Variants in SRD5A2 observed in about 807,000 individuals in gnomAD.
The protein encoded by SRD5A2 is steroid 5 alpha-reductase 2, also known as 3-oxo-5-alpha-steroid 4-dehydrogenase 2.
In SRD5A2, 30 loss-of-function variants were observed where a neutral mutation model predicts 27.4. That is an observed-to-expected ratio of 1.10 (90% CI 0.82 to 1.49). The LOEUF (loss-of-function observed/expected upper bound fraction) is 1.49. SRD5A2 is among the 40% of genes most tolerant of loss of function. SRD5A2 has a pLI of 0.00. For missense variants in SRD5A2, 348 were observed against 323.4 expected (o/e 1.08, Z -0.58); for synonymous variants, 141 against 133.6 (o/e 1.06, Z -0.38).
the SRD5A2 span, among the ~76,000 whole-genome samples, chr2:31,654,602 C>A: frequency 6.6e-6 from 1 of 152,058 alleles, no homozygotes; most frequent in Non-Finnish European, 1.5e-5. Flanking sequence ...ATCTGGCAAT[C>A]TTGGATTCTA....
the SRD5A2 span, among the ~76,000 whole-genome samples, chr2:31,609,060 A>G: frequency 1.3e-5 from 2 of 152,116 alleles, no homozygotes; most frequent in South Asian, 2.1e-4. Flanking sequence ...GAAGATCGCC[A>G]TCTGCAACCC....
chr2:31,636,357 C>T, the SRD5A2 span, among the ~76,000 whole-genome samples: 1 of 151,980 alleles, frequency 6.6e-6, no homozygotes, highest in East Asian at 1.9e-4. Flanking sequence ...CATATAAATG[C>T]ACTGATTTCT....
chr2:31,531,081 T>C (rs1665896742), intron 3 of SRD5A2, among the ~76,000 whole-genome samples: 1 of 152,094 alleles, frequency 6.6e-6, no homozygotes, highest in South Asian at 2.1e-4. Flanking sequence ...GCAATGAGGG[T>C]GTAGGTAGCC....
At chr2:31,633,954 T>A in the SRD5A2 span, among the ~76,000 whole-genome samples, 42 of 149,736 alleles carry the variant, frequency 2.8e-4, no homozygotes, top group African/African-American at 6.5e-4. Context: ...ATAAAAAAAA[T>A]TTTTTTAAAT....
intron 4 of SRD5A2, chr2:31,527,640 A>G (rs1237926525): frequency 3.3e-5 from 5 of 152,302 alleles, no homozygotes; most frequent in Admixed American, 6.5e-5. Flanking sequence ...GTGCTGAGTG[A>G]TGCCTTCTCT....
At chr2:31,549,071 A>G (rs1200975127) in intron 1 of SRD5A2, among the ~76,000 whole-genome samples, 1 of 139,476 alleles carries the variant, frequency 7.2e-6, no homozygotes, top group Non-Finnish European at 1.5e-5. Flanking sequence ...CAGGGGCTGG[A>G]AGTAGAGGGA....
the SRD5A2 span, among the ~76,000 whole-genome samples, chr2:31,624,727 G>A: frequency 1.3e-5 from 2 of 152,030 alleles, no homozygotes; most frequent in Admixed American, 6.6e-5. Flanking sequence ...ATGGTGTATA[G>A]GTGTCACATT....
Position 31,526,156 on chromosome 2 carries a change from CA to C in SRD5A2, c.*39del. 1 of 1,315,892 alleles carries C rather than the reference CA, an allele frequency of 7.6e-7. No individual in the cohort carries two copies. The highest frequency in any genetic ancestry group is 1.1e-6 in the Non-Finnish European group (1 of 933,942). The allele number at this position is 1,315,892 out of a possible 1,614,324, so 81.5% of individuals were successfully genotyped here. A position where few individuals can be genotyped will look rare whatever the true frequency, so the allele number is the denominator to read the frequency against. ...GTTTCAGCAGCTTGACAGTTTTCAT[CA>C]GCATTGTGGGAGCTCTGCTCCTTTT... On this transcript the variant is annotated 3_prime_UTR_variant, in exon 5 of 5. Coordinates refer to ENST00000622030, the MANE Select transcript of SRD5A2 (RefSeq NM_000348.4).
In SRD5A2 at chr2:31,524,826, G is replaced by A. The variant is rs115783386; in HGVS notation, c.*1370C>T. On this transcript the variant is annotated 3_prime_UTR_variant, in exon 5 of 5. Coordinates refer to ENST00000622030, the MANE Select transcript of SRD5A2 (RefSeq NM_000348.4). ...ATTTCCATGTATTCCAATTACAAGC[G>A]TTCGGCCCCTTCCTTAGAGAGTCCA... The A allele has an allele frequency of 5.5e-4, 125 of 226,550 alleles. No homozygotes were observed. Among genetic ancestry groups the A allele is most frequent in the African/African-American group, 2.5e-3 (112 of 45,020 alleles). The allele number at this position is 226,550 out of a possible 1,614,324, so 14.0% of individuals were successfully genotyped here.
chr2:31,600,888 T>C, the SRD5A2 span, among the ~76,000 whole-genome samples: 1 of 151,928 alleles, frequency 6.6e-6, no homozygotes, highest in Non-Finnish European at 1.5e-5. Flanking sequence ...CTTCCAGGGA[T>C]GCAAGGATGG....
In SRD5A2 at chr2:31,524,625, T is replaced by C. The variant is rs1406068986; in HGVS notation, c.*1571A>G. ...ATTTAATGAACAACAAAAACACTTA[T>C]TTATATGATTGCAATTTGCATTTTT... On this transcript the variant is annotated 3_prime_UTR_variant, in exon 5 of 5. Transcript: ENST00000622030. 4.3e-6 allele frequency: 1 copy of C among 230,096 alleles called. No individual in the cohort carries two copies. The highest frequency in any genetic ancestry group is 2.2e-5 in the African/African-American group (1 of 45,164). The allele number at this position is 230,096 out of a possible 1,614,324, so 14.3% of individuals were successfully genotyped here. A position where few individuals can be genotyped will look rare whatever the true frequency, so the allele number is the denominator to read the frequency against.
At chr2:31,591,152 A>C in the SRD5A2 span, among the ~76,000 whole-genome samples, 17 of 152,324 alleles carry the variant, frequency 1.1e-4, no homozygotes, top group South Asian at 2.1e-4. Context: ...AACAGGCAAC[A>C]TACAGAATGG....
At chr2:31,550,226 T>C (rs1666356219) in intron 1 of SRD5A2, among the ~76,000 whole-genome samples, 1 of 152,030 alleles carries the variant, frequency 6.6e-6, no homozygotes. Flanking sequence ...ATAAACTAGG[T>C]AATTTATTTC....
the SRD5A2 span, among the ~76,000 whole-genome samples, chr2:31,640,515 C>G: frequency 6.6e-6 from 1 of 152,170 alleles, no homozygotes; most frequent in South Asian, 2.1e-4. Context: ...ACCTTTACCA[C>G]TATGTCTCTG....
At chr2:31,653,534 G>T in the SRD5A2 span, among the ~76,000 whole-genome samples, 2 of 152,064 alleles carry the variant, frequency 1.3e-5, no homozygotes, top group African/African-American at 2.4e-5. Flanking sequence ...GTCTCTGTAT[G>T]CACCCTGAAT....
At chr2:31,549,024 T>C (rs1055151609) in intron 1 of SRD5A2, among the ~76,000 whole-genome samples, 2 of 151,128 alleles carry the variant, frequency 1.3e-5, no homozygotes, top group Non-Finnish European at 2.9e-5. Context: ...TTAAAAGTAG[T>C]CAAAAGCATA....
chr2:31,563,869 T>C (rs1024990779), intron 1 of SRD5A2, among the ~76,000 whole-genome samples: 6 of 152,124 alleles, frequency 3.9e-5, no homozygotes, highest in Non-Finnish European at 7.4e-5. Context: ...AATTATTAAT[T>C]AGCCCTAGCA....
At chr2:31,545,361 T>C (rs2148074896) in intron 1 of SRD5A2, among the ~76,000 whole-genome samples, 1 of 152,146 alleles carries the variant, frequency 6.6e-6, no homozygotes, top group Non-Finnish European at 1.5e-5. Context: ...GAGCAGCATA[T>C]AAACAGAATT....
chr2:31,659,365 C>T, the SRD5A2 span, among the ~76,000 whole-genome samples: 2 of 152,122 alleles, frequency 1.3e-5, no homozygotes. Context: ...TAAAAGGCAT[C>T]CAGATAGGAA....
Sources: gnomAD v4.1 joint callset for allele counts (sites outside exome capture counted in the v4.1 genomes callset) on GRCh38, gnomAD v4.1.1 for gene constraint, MANE v1.5 for transcripts, NCBI Gene and HGNC (gene_info 2026-07-23, HGNC 2026-07-21) for gene names.